The following WDR17 variants were observed in gnomAD, a reference collection of about 807,000 sequenced individuals.
WDR17 encodes the protein WD repeat-containing protein 17.
A neutral mutation model predicts 161.7 loss-of-function variants in WDR17; 143 were observed. The ratio of observed to expected loss-of-function variants is 0.88; its 90% CI spans 0.77 to 1.02. The LOEUF is 1.02. Ranked by LOEUF, WDR17 falls within the 50% of genes least tolerant of loss-of-function variation. The pLI is 0.00. For missense variants in WDR17, 1,469 were observed against 1,520.9 expected, an observed-to-expected ratio of 0.97 and a Z score of 0.57; for synonymous variants, 517 against 515.6, an observed-to-expected ratio of 1.00 and a Z score of -0.04.
chr4:176,151,765 C>G, intron 16 of WDR17, 47 bp from the exon 17 acceptor site: 1 of 1,501,928 alleles, frequency 6.7e-7, no homozygotes, highest in South Asian at 1.3e-5. Context: ...ACATACAAAA[C>G]AAAATATGTC....
At chr4:176,159,336 A>AGAGAG (rs1231376421) in intron 18 of WDR17, among the ~76,000 whole-genome samples, 1 of 132,942 alleles carries the variant, frequency 7.5e-6, no homozygotes, top group African/African-American at 3.1e-5. Flanking sequence ...GAGAGAGAGA[A>AGAGAG]AGGGAGAGAG....
chr4:176,111,065 A>G (rs1739651449), intron 1 of WDR17: 2 of 152,234 alleles, frequency 1.3e-5, no homozygotes, highest in Non-Finnish European at 2.9e-5. Context: ...TGATGTAAAA[A>G]CTGAAGTTCT....
At chr4:176,177,207 A>G (rs1191413951) in intron 27 of WDR17, 51 bp downstream of exon 27, 2 of 1,494,742 alleles carry the variant, frequency 1.3e-6, no homozygotes, top group Non-Finnish European at 1.9e-6. Context: ...TTGATGTTAT[A>G]GACAAACTTG....
At chr4:176,173,236 A>G in intron 24 of WDR17, 31 bp from the exon 25 acceptor site, 1 of 1,446,180 alleles carries the variant, frequency 6.9e-7, no homozygotes, top group African/African-American at 1.4e-5. Context: ...CTGTTATTTA[A>G]TGAATCTTCC....
intron 9 of WDR17, among the ~76,000 whole-genome samples, chr4:176,138,142 T>C (rs1744701211): frequency 6.6e-6 from 1 of 151,700 alleles, no homozygotes; most frequent in Non-Finnish European, 1.5e-5. Flanking sequence ...ATCCCATATT[T>C]TACTGAGTTC....
At chr4:176,168,592 T>A (rs1424847053) in intron 22 of WDR17, 80 bp from the exon 23 acceptor site, 2 of 1,529,726 alleles carry the variant, frequency 1.3e-6, no homozygotes, top group East Asian at 2.3e-5. Flanking sequence ...ATTATATGAA[T>A]TGCCCTTCTT....
At chr4:176,080,609 T>C (rs1019617004) in intron 1 of WDR17, among the ~76,000 whole-genome samples, 2 of 152,084 alleles carry the variant, frequency 1.3e-5, no homozygotes, top group African/African-American at 4.8e-5. Flanking sequence ...GGACCGATCA[T>C]TGACTAGTGG....
At chr4:176,138,456 A>G (rs1744749721) in intron 9 of WDR17, among the ~76,000 whole-genome samples, 1 of 151,702 alleles carries the variant, frequency 6.6e-6, no homozygotes, top group African/African-American at 2.4e-5. Flanking sequence ...GCAATTTTGC[A>G]CTCAAAAAAG....
At chr4:176,108,462 G>A (rs1028910048) in intron 1 of WDR17, among the ~76,000 whole-genome samples, 3 of 152,066 alleles carry the variant, frequency 2.0e-5, no homozygotes, top group African/African-American at 7.2e-5. Context: ...TTTTAGAGCC[G>A]TGAAGCTGCT....
intron 22 of WDR17, 37 bp from the exon 23 acceptor site, chr4:176,168,635 C>T (rs766267340): frequency 9.3e-6 from 15 of 1,609,768 alleles, no homozygotes; most frequent in Non-Finnish European, 1.3e-5. Flanking sequence ...TTTAAATCTT[C>T]TCCTCAATGA....
chr4:176,098,579 A>G (rs577492478), intron 1 of WDR17, among the ~76,000 whole-genome samples: 2 of 152,006 alleles, frequency 1.3e-5, no homozygotes, highest in South Asian at 4.1e-4. Context: ...CTACAAAGAT[A>G]ACAAAAGGTT....
chr4:176,168,535 G>A (rs1750220363), intron 22 of WDR17, 137 bp from the exon 23 acceptor site: 2 of 911,128 alleles, frequency 2.2e-6, no homozygotes, highest in East Asian at 5.2e-5. Context: ...TCATAATTAA[G>A]TAGGCTATTA....
chr4:176,091,118 A>G (rs1736066617), intron 1 of WDR17, among the ~76,000 whole-genome samples: 1 of 152,164 alleles, frequency 6.6e-6, no homozygotes, highest in Non-Finnish European at 1.5e-5. Flanking sequence ...GGGCTAGTTT[A>G]TGGCCAGATT....
rs750769890 is a variant in WDR17, at chr4:176,150,537, C to T, written c.2248C>T (p.Pro750Ser). 2 of 1,611,934 alleles carry T rather than the reference C, an allele frequency of 1.2e-6. No individual in the cohort carries two copies. The highest frequency in any genetic ancestry group is 1.7e-6 in the Non-Finnish European group (2 of 1,179,198). ...VIKGQDDSLL[P>S]QNYCKGIMHL... ...AAAAGGACAGGATGATAGCTTACTT[C>T]CTCAGAACTACTGCAAAGGAATAAT... The change falls in exon 16 of 29, where the codon CCT (proline) becomes TCT (serine). Residue 750 changes from proline (P) to serine (S), a missense_variant. By Grantham distance (74) the Pro-to-Ser change is moderately conservative. Transcript: ENST00000508596.
intron 1 of WDR17, among the ~76,000 whole-genome samples, chr4:176,100,746 G>A (rs1279817735): frequency 6.6e-6 from 1 of 151,906 alleles, no homozygotes; most frequent in Non-Finnish European, 1.5e-5. Flanking sequence ...AGTACATCTT[G>A]AATTGTTTTT....
At chr4:176,152,046 A>G (rs1412401015) in intron 17 of WDR17, 79 bp downstream of exon 17, 1 of 1,446,756 alleles carries the variant, frequency 6.9e-7, no homozygotes, top group Non-Finnish European at 9.3e-7. Context: ...TTTAAGTATT[A>G]AAAATAAAAA....
chr4:176,074,241 C>T (rs1733649037), intron 1 of WDR17, among the ~76,000 whole-genome samples: 1 of 151,878 alleles, frequency 6.6e-6, no homozygotes, highest in South Asian at 2.1e-4. Context: ...TTAGGTCTAA[C>T]ATGTAAGTCT....
intron 1 of WDR17, among the ~76,000 whole-genome samples, chr4:176,090,330 G>A (rs115671211): frequency 0.012 from 1,813 of 150,210 alleles, 34 homozygotes; most frequent in African/African-American, 0.041. Flanking sequence ...TCATCTCTGC[G>A]CACACCAGCT....
chr4:176,125,391 G>A (rs969766696), intron 5 of WDR17, 36 bp downstream of exon 5: 13 of 1,597,272 alleles, frequency 8.1e-6, no homozygotes, highest in East Asian at 2.2e-5. Context: ...TTTTAAATAC[G>A]TGTATATATT....
Sources: gnomAD v4.1 joint callset for allele counts (sites outside exome capture counted in the v4.1 genomes callset) on GRCh38, gnomAD v4.1.1 for gene constraint, MANE v1.5 for transcripts, NCBI Gene and HGNC (gene_info 2026-07-23, HGNC 2026-07-21) for gene names.